Variants in PRKN observed in about 807,000 individuals in gnomAD.
PRKN encodes parkin RBR E3 ubiquitin protein ligase.
A neutral mutation model predicts 59.5 loss-of-function variants in PRKN; 56 were observed. The observed-to-expected ratio is 0.94, with a 90% CI of 0.76 to 1.18. The LOEUF (loss-of-function observed/expected upper bound fraction) is 1.18, where lower values mean the gene tolerates loss of function less well. Ranked by LOEUF, PRKN falls within the 50% of genes most tolerant of loss-of-function variation. The pLI, the probability that PRKN is intolerant of heterozygous loss-of-function variation, is 0.00. For missense variants in PRKN, 657 were observed against 596.4 expected (o/e 1.10, Z -1.06); for synonymous variants, 250 against 222.1 (o/e 1.13, Z -1.12).
intron 3 of PRKN, among the ~76,000 whole-genome samples, chr6:162,246,651 C>T (rs1779210291): frequency 6.6e-6 from 1 of 152,190 alleles, no homozygotes; most frequent in Non-Finnish European, 1.5e-5. Context: ...ACTTTTCTCT[C>T]ATTTTTCAGT....
At chr6:162,418,517 G>A (rs1337614102) in intron 2 of PRKN, among the ~76,000 whole-genome samples, 1 of 152,032 alleles carries the variant, frequency 6.6e-6, no homozygotes, top group Non-Finnish European at 1.5e-5. Flanking sequence ...CAAAGTTGAG[G>A]CCAGCACTCA....
intron 2 of PRKN, among the ~76,000 whole-genome samples, chr6:162,374,550 T>C (rs951192196): frequency 6.7e-6 from 1 of 149,898 alleles, no homozygotes; most frequent in Non-Finnish European, 1.5e-5. Flanking sequence ...TTTGTTTGTT[T>C]ATTTATTTAT....
intron 5 of PRKN, among the ~76,000 whole-genome samples, chr6:161,997,042 T>C (rs942991219): frequency 2.6e-5 from 4 of 152,084 alleles, no homozygotes; most frequent in Non-Finnish European, 5.9e-5. Context: ...CAAGCTTCAA[T>C]TGCGTTCTCG....
chr6:162,475,098 G>T (rs1399895651), intron 1 of PRKN, among the ~76,000 whole-genome samples: 1 of 151,988 alleles, frequency 6.6e-6, no homozygotes, highest in Non-Finnish European at 1.5e-5. Flanking sequence ...CTTTTTATCA[G>T]CAATATTAAA....
chr6:162,640,694 C>T (rs1164550753), intron 1 of PRKN, among the ~76,000 whole-genome samples: 6 of 152,154 alleles, frequency 3.9e-5, no homozygotes, highest in African/African-American at 1.4e-4. Flanking sequence ...GAAAGAAGTC[C>T]TGGAAATCCT....
intron 7 of PRKN, among the ~76,000 whole-genome samples, chr6:161,640,042 G>A (rs1463747439): frequency 6.6e-6 from 1 of 152,150 alleles, no homozygotes; most frequent in Non-Finnish European, 1.5e-5. Flanking sequence ...CTCTTTTAAC[G>A]TCTCCTGGGG....
chr6:162,339,521 G>A (rs1184590650), intron 2 of PRKN, among the ~76,000 whole-genome samples: 1 of 129,332 alleles, frequency 7.7e-6, no homozygotes, highest in African/African-American at 2.8e-5. Flanking sequence ...AGGTGGGGGG[G>A]TCAGCCCCCC....
At chr6:161,364,434 G>A (rs1003452992) in intron 10 of PRKN, among the ~76,000 whole-genome samples, 1 of 132,940 alleles carries the variant, frequency 7.5e-6, no homozygotes, top group Non-Finnish European at 1.5e-5. Context: ...CTCCAGCCTG[G>A]GCAACAGAAC....
In PRKN at chr6:161,444,132, G is replaced by C. The variant is rs1028970089; in HGVS notation, c.1084-57255C>G. Among the ~76,000 whole-genome samples, 1 of 152,184 alleles carries C rather than the reference G, an allele frequency of 6.6e-6. No individual in the cohort carries two copies. The highest frequency in any genetic ancestry group is 2.4e-5 in the African/African-American group (1 of 41,448). On this transcript the variant is annotated intron_variant, in intron 9 of 11. Coordinates refer to ENST00000366898, the MANE Select transcript of PRKN (RefSeq NM_004562.3). This position sits in a 1 kb window ranked among gnomAD's most constrained non-coding sequence, Gnocchi z 5.6. ...CTCCTGGACTGGGGGACTGGGAATCGGCCAGGCCAGGCCCAGCGGGTGGGA... is the reference window on the plus strand; with the variant it reads ...CTCCTGGACTGGGGGACTGGGAATCCGCCAGGCCAGGCCCAGCGGGTGGGA...
intron 6 of PRKN, among the ~76,000 whole-genome samples, chr6:161,856,361 A>AAAATAAAGAAATAAATAAAT (rs76955526): frequency 0.049 from 7,362 of 149,434 alleles, 195 homozygotes; most frequent in Non-Finnish European, 0.065. Flanking sequence ...ATGCCATCTC[A>AAAATAAAGAAATAAATAAAT]AAATAAATAA....
chr6:161,949,690 C>T (rs1003830045), intron 6 of PRKN, among the ~76,000 whole-genome samples: 1 of 152,172 alleles, frequency 6.6e-6, no homozygotes, highest in Non-Finnish European at 1.5e-5. Context: ...CAAGACAGAG[C>T]ACTCTCTGTG....
At chr6:162,689,561 A>C (rs186689045) in intron 1 of PRKN, among the ~76,000 whole-genome samples, 1 of 152,360 alleles carries the variant, frequency 6.6e-6, no homozygotes, top group Admixed American at 6.5e-5. Context: ...TCTCCAAACT[A>C]ATCTTTTTGG....
At chr6:162,427,353 G>A (rs1225894344) in intron 2 of PRKN, among the ~76,000 whole-genome samples, 2 of 152,160 alleles carry the variant, frequency 1.3e-5, no homozygotes, top group Admixed American at 1.3e-4. Context: ...CTGTGCACAA[G>A]ACTTGTATAA....
intron 2 of PRKN, among the ~76,000 whole-genome samples, chr6:162,291,954 T>G (rs923497234): frequency 7.4e-6 from 1 of 135,334 alleles, no homozygotes; most frequent in Admixed American, 8.2e-5. Context: ...TTACTATTAT[T>G]ATTATTGTTT....
chr6:162,594,943 G>C (rs1465066451), intron 1 of PRKN, among the ~76,000 whole-genome samples: 1 of 152,126 alleles, frequency 6.6e-6, no homozygotes, highest in East Asian at 1.9e-4. Flanking sequence ...GGGAGGCTGA[G>C]GTGAGTAGAT....
At chr6:162,284,467 A>G (rs1187038073) in intron 2 of PRKN, among the ~76,000 whole-genome samples, 1 of 150,710 alleles carries the variant, frequency 6.6e-6, no homozygotes. Context: ...CAGGTGATCC[A>G]CCTGCCTCGG....
intron 7 of PRKN, among the ~76,000 whole-genome samples, chr6:161,574,420 C>T (rs542066400): frequency 2.0e-5 from 3 of 152,170 alleles, no homozygotes; most frequent in South Asian, 4.2e-4. Context: ...GCATCACCTC[C>T]CTCACATATG....
At chr6:162,672,731 T>G (rs1779381261) in intron 1 of PRKN, among the ~76,000 whole-genome samples, 1 of 151,522 alleles carries the variant, frequency 6.6e-6, no homozygotes, top group South Asian at 2.1e-4. Flanking sequence ...TGCATGTGTA[T>G]AGATATACAG....
chr6:162,137,128 C>G (rs1039418933), intron 4 of PRKN, among the ~76,000 whole-genome samples: 4 of 152,012 alleles, frequency 2.6e-5, no homozygotes, highest in Non-Finnish European at 5.9e-5. Context: ...ATCAAAGAAT[C>G]ATTTATTAAA....
Sources: allele counts gnomAD v4.1 joint callset (sites outside exome capture counted in the v4.1 genomes callset), GRCh38; gene constraint gnomAD v4.1.1; non-coding constraint Gnocchi (gnomAD v3.1); transcripts MANE v1.5; gene names NCBI Gene and HGNC (gene_info 2026-07-23, HGNC 2026-07-21).